The following PCCA variants were observed in gnomAD, a reference collection of about 807,000 sequenced individuals.
PCCA encodes propionyl-CoA carboxylase subunit alpha, also known as propionyl-CoA carboxylase alpha chain, mitochondrial.
Under a neutral mutation model 101.3 loss-of-function variants are expected in PCCA, and 74 were observed. The ratio of observed to expected loss-of-function variants is 0.73; its 90% confidence interval spans 0.61 to 0.89. The LOEUF is 0.89. Among genes scored for constraint, PCCA ranks in the 40% least tolerant of loss-of-function variants. The pLI is 0.00. For missense variants in PCCA, 891 were observed against 907.0 expected (o/e 0.98, Z 0.23); for synonymous variants, 294 against 313.6 (o/e 0.94, Z 0.66).
intron 19 of PCCA, among the ~76,000 whole-genome samples, chr13:100,409,757 G>C (rs1248730625): frequency 1.3e-5 from 2 of 152,054 alleles, no homozygotes; most frequent in African/African-American, 4.8e-5. Flanking sequence ...GGCCATTTTT[G>C]TCACCCCCAC....
At chr13:100,122,959 A>G (rs2049556821) in intron 4 of PCCA, among the ~76,000 whole-genome samples, 1 of 152,244 alleles carries the variant, frequency 6.6e-6, no homozygotes. Flanking sequence ...GCATTCCAGA[A>G]GTACAAGGTG....
intron 10 of PCCA, among the ~76,000 whole-genome samples, chr13:100,268,368 C>A (rs923857124): frequency 3.3e-5 from 5 of 152,188 alleles, no homozygotes; most frequent in Admixed American, 6.5e-5. Context: ...ACATTGACAT[C>A]CAGTGTTTAT....
intron 10 of PCCA, among the ~76,000 whole-genome samples, chr13:100,267,882 T>A (rs1046393702): frequency 6.6e-6 from 1 of 152,204 alleles, no homozygotes; most frequent in African/African-American, 2.4e-5. Flanking sequence ...TAAATGTAGC[T>A]GGATATCTTG....
intron 1 of PCCA, among the ~76,000 whole-genome samples, chr13:100,100,375 T>G (rs758974036): frequency 1.0e-3 from 153 of 152,202 alleles, no homozygotes; most frequent in Non-Finnish European, 1.1e-3. Flanking sequence ...CCTCTCTCAT[T>G]TTGGCTGTGA....
chr13:100,478,810 A>T (rs2083642492), intron 21 of PCCA, among the ~76,000 whole-genome samples: 1 of 152,174 alleles, frequency 6.6e-6, no homozygotes, highest in African/African-American at 2.4e-5. Flanking sequence ...GCCTAGTAGA[A>T]TTGCTTTTTC....
At chr13:100,504,981 T>C (rs909290103) in intron 21 of PCCA, among the ~76,000 whole-genome samples, 3 of 152,328 alleles carry the variant, frequency 2.0e-5, no homozygotes, top group East Asian at 1.9e-4. Context: ...GGCACTGTTA[T>C]GATCCACAGT....
intron 4 of PCCA, among the ~76,000 whole-genome samples, chr13:100,153,584 C>G (rs1186292708): frequency 6.6e-6 from 1 of 152,058 alleles, no homozygotes; most frequent in Non-Finnish European, 1.5e-5. Context: ...TTGACAGTAA[C>G]AGGATCTGAA....
At chr13:100,338,808 T>C (rs367725960) in intron 17 of PCCA, among the ~76,000 whole-genome samples, 5 of 151,246 alleles carry the variant, frequency 3.3e-5, no homozygotes, top group African/African-American at 1.2e-4. Context: ...ACCTGTGCTC[T>C]CCCTGCCCTT....
intron 12 of PCCA, among the ~76,000 whole-genome samples, chr13:100,280,559 C>T (rs1420490486): frequency 2.0e-5 from 3 of 152,076 alleles, no homozygotes; most frequent in African/African-American, 4.8e-5. Context: ...CATACTTCTC[C>T]CTCATCTCAC....
intron 4 of PCCA, among the ~76,000 whole-genome samples, chr13:100,139,390 G>C (rs1448434722): frequency 6.6e-6 from 1 of 151,418 alleles, no homozygotes; most frequent in Non-Finnish European, 1.5e-5. Context: ...TTTAAGTATT[G>C]TTCCATAGTC....
intron 1 of PCCA, among the ~76,000 whole-genome samples, chr13:100,091,551 C>A (rs1008339060): frequency 6.6e-6 from 1 of 152,156 alleles, no homozygotes; most frequent in Non-Finnish European, 1.5e-5. Flanking sequence ...CGCTTCTCTT[C>A]TATGAACTTG....
intron 6 of PCCA, among the ~76,000 whole-genome samples, chr13:100,203,968 G>A (rs556780988): frequency 6.6e-5 from 10 of 152,210 alleles, no homozygotes; most frequent in African/African-American, 2.4e-4. Flanking sequence ...TGCTACATTA[G>A]TTTTTGAAAG....
intron 6 of PCCA, among the ~76,000 whole-genome samples, chr13:100,199,959 T>C (rs2058369860): frequency 6.6e-6 from 1 of 152,156 alleles, no homozygotes; most frequent in Non-Finnish European, 1.5e-5. Context: ...GTCAAGTTGT[T>C]CCTCTTTGGT....
At chr13:100,443,163 A>G (rs2080505566) in intron 20 of PCCA, among the ~76,000 whole-genome samples, 2 of 152,124 alleles carry the variant, frequency 1.3e-5, no homozygotes, top group Admixed American at 6.5e-5. Context: ...TTAGACCAGG[A>G]GGCACCGTCT....
At chr13:100,127,701 G>A (rs888660528) in intron 4 of PCCA, among the ~76,000 whole-genome samples, 1 of 151,914 alleles carries the variant, frequency 6.6e-6, no homozygotes, top group Non-Finnish European at 1.5e-5. Flanking sequence ...GACCATCCTG[G>A]CTAACACAGT....
chr13:100,442,699 T>G (rs1475084944), intron 20 of PCCA, among the ~76,000 whole-genome samples: 2 of 152,018 alleles, frequency 1.3e-5, no homozygotes, highest in East Asian at 3.9e-4. Flanking sequence ...CTAAATAAGG[T>G]GATTTTAGTA....
chr13:100,461,250 G>A (rs1183712982), intron 21 of PCCA, among the ~76,000 whole-genome samples: 1 of 152,190 alleles, frequency 6.6e-6, no homozygotes, highest in African/African-American at 2.4e-5. Context: ...ATTAGCAAGA[G>A]CTGAAGCTTG....
chr13:100,141,158 A>T (rs965571135), intron 4 of PCCA, among the ~76,000 whole-genome samples: 2 of 152,126 alleles, frequency 1.3e-5, no homozygotes, highest in Non-Finnish European at 2.9e-5. Context: ...GACATTCAAG[A>T]TCCATTCAAG....
At chr13:100,442,471 T>G (rs1454481664) in intron 20 of PCCA, among the ~76,000 whole-genome samples, 1 of 152,240 alleles carries the variant, frequency 6.6e-6, no homozygotes, top group Non-Finnish European at 1.5e-5. Context: ...ATGTGAAAAT[T>G]TGTTTCCATT....
Sources: allele counts gnomAD v4.1 joint callset (sites outside exome capture counted in the v4.1 genomes callset), GRCh38; gene constraint gnomAD v4.1.1; transcripts MANE v1.5; gene names NCBI Gene and HGNC (gene_info 2026-07-23, HGNC 2026-07-21).